Variants in PDK1 observed in about 807,000 individuals in gnomAD.
PDK1 encodes pyruvate dehydrogenase kinase 1.
In PDK1, 39 loss-of-function variants were observed where a neutral mutation model predicts 54.2. The ratio of observed to expected loss-of-function variants is 0.72; its 90% CI spans 0.56 to 0.94. The LOEUF is 0.94. Among genes scored for constraint, PDK1 ranks in the 40% least tolerant of loss-of-function variants. The pLI, the probability that PDK1 is intolerant of heterozygous loss-of-function variation, is 0.00. For synonymous variants in PDK1, 221 were observed against 207.1 expected, an observed-to-expected ratio of 1.07 and a Z score of -0.58; for missense variants, 552 against 566.0, an observed-to-expected ratio of 0.98 and a Z score of 0.25.
At chr2:172,659,445 T>G in the PDK1 span, among the ~76,000 whole-genome samples, 1 of 152,202 alleles carries the variant, frequency 6.6e-6, no homozygotes, top group African/African-American at 2.4e-5. Flanking sequence ...TTCATTTTCT[T>G]ATGAGGGCTC....
Position 172,597,097 on chromosome 2 carries a change from TTTTTTTC to T in PDK1, c.*1142_*1148del, listed in dbSNP as rs1220558892. ...CATCAGAGCCATCATTGCACGTGTC[TTTTTTTC>T]TTTTTTCTTTTTTTTTTTTCAAGAC... On this transcript the variant is annotated 3_prime_UTR_variant, in exon 11 of 11. Coordinates refer to ENST00000282077, the MANE Select transcript of PDK1 (RefSeq NM_002610.5). 6.6e-6 allele frequency: 1 copy of T among 151,938 alleles called. No individual in the cohort carries two copies. Among genetic ancestry groups the T allele is most frequent in the Non-Finnish European group, 1.5e-5 (1 of 68,000 alleles). The allele number at this position is 151,938 out of a possible 1,614,324, so 9.4% of individuals were successfully genotyped here.
chr2:172,675,671 A>G, the PDK1 span, among the ~76,000 whole-genome samples: 1 of 152,234 alleles, frequency 6.6e-6, no homozygotes, highest in Non-Finnish European at 1.5e-5. Context: ...TCTCTATAAC[A>G]TAAAAGTGCA....
chr2:172,574,110 T>C (rs927577960), intron 8 of PDK1, among the ~76,000 whole-genome samples: 5 of 152,242 alleles, frequency 3.3e-5, no homozygotes, highest in African/African-American at 1.2e-4. Context: ...GTTTTGTACA[T>C]GGTTTGAGGT....
chr2:172,569,856 G>C (rs896469712), intron 7 of PDK1, among the ~76,000 whole-genome samples: 1 of 152,132 alleles, frequency 6.6e-6, no homozygotes, highest in Admixed American at 6.5e-5. Flanking sequence ...TTTTATCCAA[G>C]TAGTTAAACA....
chr2:172,580,758 A>G (rs928307447), intron 8 of PDK1, among the ~76,000 whole-genome samples: 10 of 152,220 alleles, frequency 6.6e-5, no homozygotes, highest in Non-Finnish European at 1.5e-4. Flanking sequence ...CATACAGTGG[A>G]ATATTATTTG....
intron 1 of PDK1, among the ~76,000 whole-genome samples, chr2:172,557,031 C>T (rs573423873): frequency 8.6e-5 from 13 of 152,042 alleles, no homozygotes; most frequent in South Asian, 8.3e-4. Context: ...CATGTGAAGG[C>T]GATGAGGGGA....
chr2:172,657,271 A>G, the PDK1 span, among the ~76,000 whole-genome samples: 1 of 151,038 alleles, frequency 6.6e-6, no homozygotes. Flanking sequence ...AGTGACCTCC[A>G]CACCTTAGCC....
chr2:172,668,872 T>TACAC, the PDK1 span, among the ~76,000 whole-genome samples: 38,243 of 110,124 alleles, frequency 0.35, 6,763 homozygotes, highest in Middle Eastern at 0.4. Context: ...TGTATGTATG[T>TACAC]ACACACACAC....
the PDK1 span, among the ~76,000 whole-genome samples, chr2:172,709,238 A>G: frequency 3.7e-4 from 57 of 152,178 alleles, no homozygotes; most frequent in Non-Finnish European, 7.3e-4. Context: ...TTGTGGGACC[A>G]TCTCTCCTCA....
chr2:172,654,212 G>A, the PDK1 span, among the ~76,000 whole-genome samples: 3 of 152,262 alleles, frequency 2.0e-5, no homozygotes, highest in South Asian at 2.1e-4. Context: ...ACAGTGTGGC[G>A]ATTCCTCAAG....
At chr2:172,696,955 T>C in the PDK1 span, among the ~76,000 whole-genome samples, 1 of 152,186 alleles carries the variant, frequency 6.6e-6, no homozygotes, top group African/African-American at 2.4e-5. Flanking sequence ...TTATATACTA[T>C]ATTCTAATTT....
the PDK1 span, among the ~76,000 whole-genome samples, chr2:172,621,684 A>C: frequency 1.0e-4 from 15 of 147,364 alleles, no homozygotes; most frequent in Admixed American, 2.7e-4. Flanking sequence ...GTTTATGTTT[A>C]TATATCATAT....
At chr2:172,615,394 C>T in the PDK1 span, among the ~76,000 whole-genome samples, 1 of 152,222 alleles carries the variant, frequency 6.6e-6, no homozygotes, top group African/African-American at 2.4e-5. Context: ...GAGGCCGAGG[C>T]GGATGGATCA....
the PDK1 span, among the ~76,000 whole-genome samples, chr2:172,693,078 C>T: frequency 6.6e-6 from 1 of 152,246 alleles, no homozygotes; most frequent in Non-Finnish European, 1.5e-5. Flanking sequence ...TCTGGACCCT[C>T]CTGGAGGACC....
chr2:172,670,777 A>G, the PDK1 span, among the ~76,000 whole-genome samples: 1 of 152,154 alleles, frequency 6.6e-6, no homozygotes, highest in African/African-American at 2.4e-5. Context: ...CTTTATTTAT[A>G]TTTCTATTCT....
At chr2:172,626,964 C>T in the PDK1 span, among the ~76,000 whole-genome samples, 2,977 of 152,146 alleles carry the variant, frequency 0.02, 87 homozygotes, top group African/African-American at 0.066. Context: ...ACATCAATTT[C>T]TACAGAAAAG....
chr2:172,622,732 CAT>C, the PDK1 span, among the ~76,000 whole-genome samples: 209 of 122,336 alleles, frequency 1.7e-3, no homozygotes, highest in African/African-American at 5.5e-3. Flanking sequence ...GTTTATATCT[CAT>C]ATTATGTGAG....
the PDK1 span, among the ~76,000 whole-genome samples, chr2:172,692,015 C>T: frequency 6.6e-6 from 1 of 152,196 alleles, no homozygotes; most frequent in African/African-American, 2.4e-5. Context: ...GATTTCTCCC[C>T]TTTGGCCAAG....
chr2:172,562,780 C>T, intron 3 of PDK1: 1 of 1,610,336 alleles, frequency 6.2e-7, no homozygotes, highest in Non-Finnish European at 8.5e-7. Flanking sequence ...CTAGTTTATG[C>T]TGTATGGCCT....
Sources: gnomAD v4.1 joint callset for allele counts (sites outside exome capture counted in the v4.1 genomes callset) on GRCh38, gnomAD v4.1.1 for gene constraint, MANE v1.5 for transcripts, NCBI Gene and HGNC (gene_info 2026-07-23, HGNC 2026-07-21) for gene names.